RPL28: variants seen among roughly 807,000 people sequenced by gnomAD.
The protein encoded by RPL28 is ribosomal protein L28.
A neutral mutation model predicts 12.5 loss-of-function variants in RPL28; 4 were observed. The ratio of observed to expected loss-of-function variants is 0.32; its 90% CI spans 0.16 to 0.73. The LOEUF is 0.73. RPL28 is among the 30% of genes least tolerant of loss of function. RPL28 has a pLI of 0.66. For synonymous variants in RPL28, 91 were observed against 72.5 expected, an observed-to-expected ratio of 1.26 and a Z score of -1.30; for missense variants, 214 against 197.7, an observed-to-expected ratio of 1.08 and a Z score of -0.49.
intron 4 of RPL28, among the ~76,000 whole-genome samples, chr19:55,398,996 G>A (rs949421359): frequency 2.0e-5 from 3 of 151,510 alleles, no homozygotes; most frequent in South Asian, 2.1e-4. Context: ...CACCGTGCCC[G>A]GTTTGTTTTG....
At chr19:55,400,178 T>C (rs2090046670) in intron 4 of RPL28, 2 of 152,184 alleles carry the variant, frequency 1.3e-5, no homozygotes, top group Non-Finnish European at 2.9e-5. Flanking sequence ...AACTTGTAGA[T>C]TTTTATTGTA....
downstream of RPL28, among the ~76,000 whole-genome samples, chr19:55,392,655 G>T (rs1455271153): frequency 6.6e-6 from 1 of 151,894 alleles, no homozygotes; most frequent in Non-Finnish European, 1.5e-5. Context: ...GCCTCCCCAG[G>T]AGCTGGGACT....
At chr19:55,392,249 T>A, downstream of RPL28, 3 of 428,376 alleles carry the variant, frequency 7.0e-6, no homozygotes, top group Non-Finnish European at 9.3e-6. Flanking sequence ...TTTGTTTGTC[T>A]AAGAGACGGG....
Position 55,390,466 on chromosome 19 carries a change from A to C in RPL28, c.*2134A>C, listed in dbSNP as rs1003852779. ...ATTACCCACCTGCCTCAGCCTCCCAAAGTGCTGGCATTACAGGCGCTCGAG... is the reference window on the plus strand; with the variant it reads ...ATTACCCACCTGCCTCAGCCTCCCACAGTGCTGGCATTACAGGCGCTCGAG... On this transcript the variant is annotated 3_prime_UTR_variant, in exon 5 of 5. Coordinates refer to ENST00000344063, the MANE Select transcript of RPL28 (RefSeq NM_000991.5). The C allele has an allele frequency of 5.1e-6, 5 of 985,240 alleles. No individual in the cohort carries two copies. The African/African-American group carries it at 8.7e-5, about 17-fold the overall frequency. The allele number at this position is 985,240 out of a possible 1,614,324, so 61.0% of individuals were successfully genotyped here.
intron 1 of RPL28, 183 bp from the exon 2 acceptor site, chr19:55,386,167 C>G: frequency 1.7e-6 from 1 of 599,396 alleles, no homozygotes; most frequent in East Asian, 2.8e-5. Flanking sequence ...GAATTCGGTC[C>G]CGCCGCCTTA....
In RPL28 at chr19:55,388,833, G is replaced by A. The variant is rs144170951; in HGVS notation, c.*501G>A. 4.0e-4 allele frequency: 396 copies of A among 987,588 alleles called. 3 individuals are homozygous for A. The African/African-American group carries it at 6.4e-3, about 16-fold the overall frequency. The allele number at this position is 987,588 out of a possible 1,614,324, so 61.2% of individuals were successfully genotyped here. A position where few individuals can be genotyped will look rare whatever the true frequency, so the allele number is the denominator to read the frequency against. ...GGAGTGGGTGCAGCCACATTTGGAG[G>A]GGATGGGCTTTACTTGATGCAACCT... is the stretch of plus-strand genomic sequence containing the variant. On this transcript the variant is annotated 3_prime_UTR_variant, in exon 5 of 5. Transcript: ENST00000344063.
At chr19:55,395,112 C>CT (rs1052564250), downstream of RPL28, among the ~76,000 whole-genome samples, 2 of 151,740 alleles carry the variant, frequency 1.3e-5, no homozygotes, top group African/African-American at 2.4e-5. Flanking sequence ...ATTAGCCTTT[C>CT]TTTTTTTTCC....
Position 55,389,152 on chromosome 19 carries a change from T to C in RPL28, c.*820T>C. On this transcript the variant is annotated 3_prime_UTR_variant, in exon 5 of 5. Transcript: ENST00000344063. ...TATTACAGCTTGTGAGGCCAGGAGT[T>C]TGAGACCATCCTAGGCAACATAATG... The C allele has an allele frequency of 1.0e-6, 1 of 984,352 alleles. No homozygotes were observed. Among genetic ancestry groups the C allele is most frequent in the Non-Finnish European group, 1.2e-6 (1 of 828,988 alleles). 61.0% of individuals were successfully genotyped at this position (984,352 alleles called of 1,614,324 possible).
Position 55,389,191 on chromosome 19 carries a change from A to C in RPL28, c.*859A>C. ...GGCAACATAATGAGACACCGTCTCT[A>C]AAATAAAATTAGCTGGGTGTGGTGG... On this transcript the variant is annotated 3_prime_UTR_variant, in exon 5 of 5. Coordinates refer to ENST00000344063, the MANE Select transcript of RPL28 (RefSeq NM_000991.5). The C allele has an allele frequency of 1.0e-6, 1 of 966,538 alleles. No individual in the cohort carries two copies. The highest frequency in any genetic ancestry group is 1.2e-6 in the Non-Finnish European group (1 of 812,692). The allele number at this position is 966,538 out of a possible 1,614,324, so 59.9% of individuals were successfully genotyped here. A position where few individuals can be genotyped will look rare whatever the true frequency, so the allele number is the denominator to read the frequency against.
downstream of RPL28, among the ~76,000 whole-genome samples, chr19:55,396,636 G>A (rs1290198004): frequency 5.2e-5 from 7 of 133,448 alleles, no homozygotes; most frequent in Non-Finnish European, 4.8e-5. Flanking sequence ...CTGTCACCCA[G>A]GCTGGAGTGC....
rs1600307777 is a variant in RPL28, at chr19:55,391,368, C to A, written c.*3036C>A. The A allele has an allele frequency of 8.2e-7, 1 of 1,214,100 alleles. No homozygotes were observed. Among genetic ancestry groups the A allele is most frequent in the Non-Finnish European group, 1.0e-6 (1 of 963,950 alleles). The allele number at this position is 1,214,100 out of a possible 1,614,324, so 75.2% of individuals were successfully genotyped here. ...AGGCCATTTTGAGTGCCTTTCACAG[C>A]CCTGCATAAGGCAGGTGTCTCAGTG... On this transcript the variant is annotated 3_prime_UTR_variant, in exon 5 of 5. Transcript: ENST00000344063.
Position 55,388,331 on chromosome 19 carries a change from G to A in RPL28, c.413G>A (p.Ter138=). The A allele has an allele frequency of 1.3e-6, 2 of 1,545,596 alleles. No individual in the cohort carries two copies. ...CGGACCCGCCCCACCAAGAGCTCCT[G>A]AGCCCCCTGCCCCCAGAGCAATAAA... ...RKRTRPTKSS[*] The change falls in exon 5 of 5, where the codon TGA becomes TAA. Residue 138 remains the stop codon, a stop_retained_variant. Coordinates refer to ENST00000344063, the MANE Select transcript of RPL28 (RefSeq NM_000991.5).
intron 4 of RPL28, among the ~76,000 whole-genome samples, chr19:55,398,957 C>T (rs1408540050): frequency 6.6e-6 from 1 of 152,154 alleles, no homozygotes; most frequent in Non-Finnish European, 1.5e-5. Context: ...CAGCCTTGGC[C>T]TCCCAAAATG....
At chr19:55,387,691 C>A in intron 3 of RPL28, 2 of 1,397,646 alleles carry the variant, frequency 1.4e-6, no homozygotes, top group Non-Finnish European at 1.8e-6. Flanking sequence ...GGAGTGTTTT[C>A]ATGGTGGACA....
At chr19:55,398,400 T>C (rs12979229) in intron 4 of RPL28, among the ~76,000 whole-genome samples, 15,090 of 152,238 alleles carry the variant, frequency 0.099, 1,171 homozygotes, top group African/African-American at 0.2. Context: ...AGTTTCAAAA[T>C]GGGCTTTACC....
At chr19:55,392,469 G>A (rs1057351533), downstream of RPL28, among the ~76,000 whole-genome samples, 2 of 152,120 alleles carry the variant, frequency 1.3e-5, no homozygotes, top group Admixed American at 6.5e-5. Flanking sequence ...CTGGGCACAA[G>A]CAATCCTCCT....
chr19:55,390,589 A>G lies in RPL28; in HGVS notation c.*2257A>G, dbSNP rs2089981119. On this transcript the variant is annotated 3_prime_UTR_variant, in exon 5 of 5. Coordinates refer to ENST00000344063, the MANE Select transcript of RPL28 (RefSeq NM_000991.5). ...TGCCTCTAGGCCCCACCCCCTGTGG[A>G]GTCCTGCTGGCTTTCTCCATCCCTA... 7 of 985,658 alleles carry G rather than the reference A, an allele frequency of 7.1e-6. No homozygotes were observed. Among genetic ancestry groups the G allele is most frequent in the Non-Finnish European group, 8.4e-6 (7 of 830,176 alleles). 61.1% of individuals were successfully genotyped at this position (985,658 alleles called of 1,614,324 possible). A position where few individuals can be genotyped will look rare whatever the true frequency, so the allele number is the denominator to read the frequency against.
At position 55,388,651 on chromosome 19, in the gene RPL28, C is replaced by T; in HGVS notation, c.*319C>T. ...CCCAGCTGGGGCAGTGGCTTCCATT[C>T]AGAAGAAGAAAGGCCTTTTCTAGCC... On this transcript the variant is annotated 3_prime_UTR_variant, in exon 5 of 5. Transcript: ENST00000344063. 3.4e-6 allele frequency: 4 copies of T among 1,162,826 alleles called. No homozygotes were observed. Among genetic ancestry groups the T allele is most frequent in the Non-Finnish European group, 4.2e-6 (4 of 944,206 alleles). The allele number at this position is 1,162,826 out of a possible 1,614,324, so 72.0% of individuals were successfully genotyped here.
chr19:55,397,371 C>T (rs561373350), intron 4 of RPL28, among the ~76,000 whole-genome samples: 1 of 152,230 alleles, frequency 6.6e-6, no homozygotes, highest in Non-Finnish European at 1.5e-5. Flanking sequence ...TGTTTGTAAT[C>T]GGGACAAATG....
Sources: gnomAD v4.1 joint callset for allele counts (sites outside exome capture counted in the v4.1 genomes callset) on GRCh38, gnomAD v4.1.1 for gene constraint, MANE v1.5 for transcripts, NCBI Gene and HGNC (gene_info 2026-07-23, HGNC 2026-07-21) for gene names.